ELFN1: variants seen among roughly 807,000 people sequenced by gnomAD.
ELFN1 encodes extracellular leucine rich repeat and fibronectin type III domain containing 1, also known as protein ELFN1.
Under a neutral mutation model 7.6 loss-of-function variants are expected in ELFN1, and 6 were observed. That is an observed-to-expected ratio of 0.79 (90% CI 0.43 to 1.56). ELFN1 has a LOEUF of 1.56. Ranked by LOEUF, ELFN1 falls within the 40% of genes most tolerant of loss-of-function variation. The probability of loss-of-function intolerance (pLI) is 0.01; values close to 1 mark genes in which losing one functional copy is unlikely to be tolerated. For missense variants in ELFN1, 1,169 were observed against 1,232.2 expected, an observed-to-expected ratio of 0.95 and a Z score of 0.77; for synonymous variants, 657 against 588.1, an observed-to-expected ratio of 1.12 and a Z score of -1.70.
At position 1,746,220 on chromosome 7, in the gene ELFN1, G is replaced by A. The variant is rs781682953; in HGVS notation, c.1624G>A (p.Gly542Ser). The A allele has an allele frequency of 3.9e-5, 60 of 1,557,286 alleles. 1 individual carries two copies. In the South Asian group the frequency reaches 7.0e-4, roughly 18 times the overall value. Reference sequence around the variant, plus strand: ...TCCGGAACGCAGGGACTGTGAGCTGGGCCGGCCGGGCCCCGACAGCCAGAG... The same window carrying A: ...TCCGGAACGCAGGGACTGTGAGCTGAGCCGGCCGGGCCCCGACAGCCAGAG... ...DPPERRDCEL[G>S]RPGPDSQSSV... The change falls in exon 4 of 4, where the codon GGC (glycine) becomes AGC (serine). Residue 542 changes from glycine to serine, a missense_variant. Physicochemically the swap from Gly to Ser is moderately conservative, Grantham distance 56 (BLOSUM62 0). Coordinates refer to ENST00000424383, the MANE Select transcript of ELFN1 (RefSeq NM_001128636.4).
At chr7:1,742,957 G>T (rs771644013) in intron 3 of ELFN1, among the ~76,000 whole-genome samples, 1 of 152,214 alleles carries the variant, frequency 6.6e-6, no homozygotes, top group East Asian at 1.9e-4. Flanking sequence ...GCCACGGCTC[G>T]GTGACAGAGG....
Position 1,729,094 on chromosome 7 carries a change from C to T in ELFN1, c.-293-15210C>T, listed in dbSNP as rs375167183. 3.9e-5 allele frequency among the ~76,000 whole-genome samples: 6 copies of T among 152,338 alleles called. No homozygotes were observed. In the South Asian group the frequency reaches 1.2e-3, roughly 32 times the overall value. On this transcript the variant is annotated intron_variant, in intron 3 of 3. Transcript: ENST00000424383. ...CCCGCGGAGCTGCCACTGCCAGCTT[C>T]CTCTGGCCCTCACACCACACAGGGC...
At chr7:1,725,914 C>A (rs752267989) in intron 3 of ELFN1, among the ~76,000 whole-genome samples, 1 of 151,962 alleles carries the variant, frequency 6.6e-6, no homozygotes, top group African/African-American at 2.4e-5. Context: ...ACAAAAATCA[C>A]ACACAACACA....
intron 2 of ELFN1, among the ~76,000 whole-genome samples, chr7:1,707,646 T>C (rs1779563841): frequency 6.6e-6 from 1 of 152,220 alleles, no homozygotes; most frequent in South Asian, 2.1e-4. Flanking sequence ...AGTTACCTTT[T>C]CCAACACAGG....
At chr7:1,687,284 G>C (rs935869165) in intron 1 of ELFN1, among the ~76,000 whole-genome samples, 1 of 151,754 alleles carries the variant, frequency 6.6e-6, no homozygotes, top group African/African-American at 2.4e-5. Flanking sequence ...CTTTATAGTT[G>C]TTTTTTGGAG....
chr7:1,731,643 C>G (rs1780326814), intron 3 of ELFN1, among the ~76,000 whole-genome samples: 1 of 152,146 alleles, frequency 6.6e-6, no homozygotes, highest in African/African-American at 2.4e-5. Context: ...TTCGGATTGC[C>G]TTCCTTTATT....
rs1002365306 is a variant in ELFN1 at position 1,735,117 on chromosome 7, C to T, written c.-293-9187C>T. ...CTGAGCCTCTGTTTCCCCATCTGTCCAATTGAGGTAACACTAACCTTTGCC... is the reference window on the plus strand; with the variant it reads ...CTGAGCCTCTGTTTCCCCATCTGTCTAATTGAGGTAACACTAACCTTTGCC... On this transcript the variant is annotated intron_variant, in intron 3 of 3. Transcript: ENST00000424383. This position sits in a 1 kb window ranked among gnomAD's most constrained non-coding sequence, Gnocchi z 5.9. 6.6e-6 allele frequency among the ~76,000 whole-genome samples: 1 copy of T among 152,176 alleles called. No homozygotes were observed. The highest frequency in any genetic ancestry group is 2.4e-5 in the African/African-American group (1 of 41,434).
At chr7:1,736,819 G>A (rs1236949606) in intron 3 of ELFN1, among the ~76,000 whole-genome samples, 1 of 152,146 alleles carries the variant, frequency 6.6e-6, no homozygotes, top group African/African-American at 2.4e-5. Context: ...CTCCTGCTGT[G>A]GCCAGCTCTC....
rs1780804217 is a variant in ELFN1 at position 1,746,613 on chromosome 7, G to A, written c.2017G>A (p.Gly673Ser). ...CGCCGAGGCCAAGTACATCGAGAAGGGCTCCCCCGCGGCCGACGCCATCCT... is the reference window on the plus strand; with the variant it reads ...CGCCGAGGCCAAGTACATCGAGAAGAGCTCCCCCGCGGCCGACGCCATCCT... ...AAAEAKYIEK[G>S]SPAADAILTV... The change falls in exon 4 of 4, where the codon GGC becomes AGC. Residue 673 changes from glycine (G) to serine (S), a missense_variant. Around this residue, in one of 2 missense-constraint regions of ELFN1, gnomAD observed 914 missense variants for 872.6 expected, o/e 1.05. Transcript: ENST00000424383. 3.0e-6 allele frequency: 4 copies of A among 1,349,776 alleles called. No homozygotes were observed. The highest frequency in any genetic ancestry group is 3.8e-6 in the Non-Finnish European group (4 of 1,055,370). The allele number at this position is 1,349,776 out of a possible 1,614,324, so 83.6% of individuals were successfully genotyped here.
chr7:1,747,903 CTA>C lies in ELFN1; in HGVS notation c.*822_*823del, dbSNP rs1246731103. ...TCTACTAAAAAAAAAAAAAAAAAGA[CTA>C]TGTCTACTTAAAAAAAAATCTGCAA... On this transcript the variant is annotated 3_prime_UTR_variant, in exon 4 of 4. Transcript: ENST00000424383. The C allele has an allele frequency of 2.6e-5, 4 of 156,298 alleles. No individual in the cohort carries two copies. The highest frequency in any genetic ancestry group is 6.9e-5 in the Admixed American group (1 of 14,582). The allele number at this position is 156,298 out of a possible 1,614,324, so 9.7% of individuals were successfully genotyped here.
In ELFN1 at chr7:1,740,946, A is replaced by G. The variant is rs533641066; in HGVS notation, c.-293-3358A>G. ...GGAGTTCGAAACCAGCCTGACCAAT[A>G]TGGTGAAACCCTGTCTCTACTAAAA... is the stretch of plus-strand genomic sequence containing the variant. On this transcript the variant is annotated intron_variant, in intron 3 of 3. Transcript: ENST00000424383. This position sits in a 1 kb window ranked among gnomAD's most constrained non-coding sequence, Gnocchi z 5.0. Among the ~76,000 whole-genome samples, 1 of 152,216 alleles carries G rather than the reference A, an allele frequency of 6.6e-6. No homozygotes were observed. Among genetic ancestry groups the G allele is most frequent in the Admixed American group, 6.5e-5 (1 of 15,294 alleles).
At position 1,744,817 on chromosome 7, in the gene ELFN1, G is replaced by T. The variant is rs780787281; in HGVS notation, c.221G>T (p.Ser74Ile). 1.9e-6 allele frequency: 3 copies of T among 1,566,296 alleles called. No individual in the cohort carries two copies. In the Admixed American group the frequency reaches 5.7e-5, roughly 30 times the overall value. The change falls in exon 4 of 4, where the codon AGC becomes ATC. Residue 74 changes from serine to isoleucine, a missense_variant. Ser to Ile is a moderately radical substitution (Grantham distance 142). Coordinates refer to ENST00000424383, the MANE Select transcript of ELFN1 (RefSeq NM_001128636.4). The stretch of plus-strand genomic sequence containing the variant: ...CGGCTCAACGAGAACCGTATCCGCA[G>T]CGTGCAGTACGCCTCGCTCAGCCGC... ...DLRLNENRIR[S>I]VQYASLSRFG...
At chr7:1,686,281 T>C (rs143496166) in intron 1 of ELFN1, among the ~76,000 whole-genome samples, 1 of 151,534 alleles carries the variant, frequency 6.6e-6, no homozygotes, top group Non-Finnish European at 1.5e-5. Context: ...TGTGTGAATG[T>C]GAGATCATTG....
chr7:1,702,418 G>T (rs941467082), intron 2 of ELFN1, among the ~76,000 whole-genome samples: 1 of 147,500 alleles, frequency 6.8e-6, no homozygotes, highest in Non-Finnish European at 1.5e-5. Context: ...ACGAGACTCC[G>T]TCGGGGGGGA....
chr7:1,718,902 A>C (rs922349808), intron 3 of ELFN1, among the ~76,000 whole-genome samples: 40 of 152,148 alleles, frequency 2.6e-4, no homozygotes, highest in African/African-American at 7.2e-4. Flanking sequence ...TCTCTTCCTG[A>C]GAATCTCACC....
chr7:1,745,976 C>T lies in ELFN1; in HGVS notation c.1380C>T (p.Gly460=). Residue 460 remains glycine (G), a synonymous_variant, in exon 4 of 4, where the codon GGC becomes GGT. Coordinates refer to ENST00000424383, the MANE Select transcript of ELFN1 (RefSeq NM_001128636.4). ...AGGCCGCCTCGGCAGCCGCAGCTGG[C>T]AGCCTCAAGAAGACCATCATCGAGC... is the stretch of plus-strand genomic sequence containing the variant. ...HKKAASAAAA[G]SLKKTIIELK... is the part of the protein sequence containing the mutation. 1.3e-6 allele frequency: 2 copies of T among 1,545,010 alleles called. No homozygotes were observed. Among genetic ancestry groups the T allele is most frequent in the Non-Finnish European group, 1.7e-6 (2 of 1,143,548 alleles).
At position 1,706,887 on chromosome 7, in the gene ELFN1, C is replaced by T. The variant is rs1396616317; in HGVS notation, c.-455-2204C>T. On this transcript the variant is annotated intron_variant, in intron 2 of 3. Transcript: ENST00000424383. Reference sequence around the variant, plus strand: ...TGTGCCCGAGGTGGTGCATTGGATGCCTGGGCCTGGATGTGTCTGAGTGAG... The same window carrying T: ...TGTGCCCGAGGTGGTGCATTGGATGTCTGGGCCTGGATGTGTCTGAGTGAG... Among the ~76,000 whole-genome samples the T allele has an allele frequency of 2.6e-5, 4 of 152,332 alleles. No individual in the cohort carries two copies. In the East Asian group the frequency reaches 5.8e-4, roughly 22 times the overall value.
intron 3 of ELFN1, among the ~76,000 whole-genome samples, chr7:1,743,278 G>C (rs1332705336): frequency 1.3e-5 from 2 of 152,216 alleles, no homozygotes; most frequent in Non-Finnish European, 2.9e-5. Flanking sequence ...AGACCCTCAG[G>C]GTCCAGTGGA....
rs1256149579 is a variant in ELFN1, at chr7:1,673,630, A to G, written c.-549+3276A>G. On this transcript the variant is annotated intron_variant, in intron 1 of 3. Transcript: ENST00000424383. This position sits in a 1 kb window ranked among gnomAD's most constrained non-coding sequence, Gnocchi z 4.7. Reference sequence around the variant, plus strand: ...GGAGCGCTGATGGCAGACAAGGGCCAACTGTGTGCCCTACCTGGAGCCTGG... The same window carrying G: ...GGAGCGCTGATGGCAGACAAGGGCCGACTGTGTGCCCTACCTGGAGCCTGG... 6.6e-6 allele frequency among the ~76,000 whole-genome samples: 1 copy of G among 152,208 alleles called. No homozygotes were observed. The highest frequency in any genetic ancestry group is 6.5e-5 in the Admixed American group (1 of 15,282).
Sources: allele counts gnomAD v4.1 joint callset (sites outside exome capture counted in the v4.1 genomes callset), GRCh38; gene constraint gnomAD v4.1.1; regional missense constraint gnomAD v4.1.1; non-coding constraint Gnocchi (gnomAD v3.1); transcripts MANE v1.5; gene names NCBI Gene and HGNC (gene_info 2026-07-23, HGNC 2026-07-21).